HSPG2: variants seen among roughly 807,000 people sequenced by gnomAD.
HSPG2 encodes basement membrane-specific heparan sulfate proteoglycan core protein.
A neutral mutation model predicts 526.6 loss-of-function variants in HSPG2; 278 were observed. The ratio of observed to expected loss-of-function variants is 0.53; its 90% confidence interval spans 0.48 to 0.58. The LOEUF (loss-of-function observed/expected upper bound fraction) is 0.58, where lower values mean the gene tolerates loss of function less well. Ranked by LOEUF, HSPG2 falls within the 20% of genes least tolerant of loss-of-function variation. The pLI, the probability that HSPG2 is intolerant of heterozygous loss-of-function variation, is 0.00. For missense variants in HSPG2, 5,354 were observed against 6,099.5 expected (o/e 0.88, Z 4.07); for synonymous variants, 2,465 against 2,555.4 (o/e 0.96, Z 1.07).
Position 21,842,819 on chromosome 1 carries a change from G to A in HSPG2, c.8861C>T (p.Ala2954Val), listed in dbSNP as rs1339087137. The change falls in exon 67 of 97, where the codon GCC (alanine) becomes GTC (valine). Residue 2954 changes from alanine (A) to valine (V), a missense_variant. By Grantham distance (64) the Ala-to-Val change is moderately conservative (BLOSUM62 0). Transcript: ENST00000374695. ...CCCGCGCTTGTACCACGTGACCTGGGCATGGGCCTGCCCGGGCACCACACA... is the reference window on the plus strand; with the variant it reads ...CCCGCGCTTGTACCACGTGACCTGGACATGGGCCTGCCCGGGCACCACACA... Reference protein sequence around the residue: ...LNCVVPGQAHAQVTWYKRGGS... With the variant: ...LNCVVPGQAHVQVTWYKRGGS... The A allele has an allele frequency of 1.2e-6, 2 of 1,613,850 alleles. No individual in the cohort carries two copies. The highest frequency in any genetic ancestry group is 1.7e-6 in the Non-Finnish European group (2 of 1,180,042).
intron 6 of HSPG2, 182 bp downstream of exon 6, chr1:21,889,799 G>A (rs972002807): frequency 5.9e-6 from 4 of 673,334 alleles, no homozygotes; most frequent in African/African-American, 3.6e-5. Context: ...GTATGTGCTA[G>A]AGGAAACAGT....
chr1:21,898,164 C>T lies in HSPG2; in HGVS notation c.64-1854G>A, dbSNP rs1642881339. Among the ~76,000 whole-genome samples the T allele has an allele frequency of 6.6e-6, 1 of 152,216 alleles. No individual in the cohort carries two copies. The highest frequency in any genetic ancestry group is 2.1e-4 in the South Asian group (1 of 4,828). Reference sequence around the variant, plus strand: ...CTTGCTTTGGGGAGGCACTACCTACCTCTGTGCAATCTATAAGCATCTCCT... The same window carrying T: ...CTTGCTTTGGGGAGGCACTACCTACTTCTGTGCAATCTATAAGCATCTCCT... On this transcript the variant is annotated intron_variant, in intron 1 of 96. Coordinates refer to ENST00000374695, the MANE Select transcript of HSPG2 (RefSeq NM_005529.7). The surrounding 1 kb of genome is among the most constrained non-coding windows in gnomAD (Gnocchi z 4.0).
At position 21,840,008 on chromosome 1, in the gene HSPG2, C is replaced by G. The variant is rs770140924; in HGVS notation, c.9523G>C (p.Ala3175Pro). 6.2e-7 allele frequency: 1 copy of G among 1,614,194 alleles called. No individual in the cohort carries two copies. ...TAAGTGCCCGCATCTGATGGTTTAG[C>G]TGATGAAATCTGGGAGAAAGCAAGG... ...DSHAVLQISS[A>P]KPSDAGTYVC... Residue 3175 changes from alanine (A) to proline (P), a missense_variant, in exon 72 of 97, where the codon GCT becomes CCT. Physicochemically the swap from Ala to Pro is conservative, Grantham distance 27. Coordinates refer to ENST00000374695, the MANE Select transcript of HSPG2 (RefSeq NM_005529.7).
intron 69 of HSPG2, 134 bp from the exon 70 acceptor site, chr1:21,841,807 G>C: frequency 1.5e-6 from 2 of 1,335,244 alleles, no homozygotes; most frequent in South Asian, 1.2e-5. Context: ...TGGAGTCGCA[G>C]ATAGCAGAAA....
At position 21,889,121 on chromosome 1, in the gene HSPG2, G is replaced by T. The variant is rs1008906266; in HGVS notation, c.574+860C>A. Reference sequence around the variant, plus strand: ...TGAGGTGCGGAACAAGGGAGGTGATGGTTTCACTGTCTTTTCCTAATTGGG... The same window carrying T: ...TGAGGTGCGGAACAAGGGAGGTGATTGTTTCACTGTCTTTTCCTAATTGGG... On this transcript the variant is annotated intron_variant, in intron 6 of 96. Transcript: ENST00000374695. 1.2e-4 allele frequency among the ~76,000 whole-genome samples: 19 copies of T among 152,144 alleles called. 1 individual carries two copies. Among genetic ancestry groups the T allele is most frequent in the African/African-American group, 4.3e-4 (18 of 41,416 alleles).
In HSPG2 at chr1:21,876,361, G is replaced by A. The variant is rs762979069; in HGVS notation, c.2871C>T (p.Asn957=). The change falls in exon 23 of 97, where the codon AAC becomes AAT. Residue 957 remains asparagine (N), a synonymous_variant. Transcript: ENST00000374695. ...CGTTGGTGGTGTGGGTGCTTGCGGCGTTGGTCAGGCTGAAGTGACCAGGCT... is the reference window on the plus strand; with the variant it reads ...CGTTGGTGGTGTGGGTGCTTGCGGCATTGGTCAGGCTGAAGTGACCAGGCT... The part of the protein sequence containing the change: ...SEEPGHFSLT[N]AASTHTTNEG... 1.7e-5 allele frequency: 27 copies of A among 1,613,152 alleles called. No individual in the cohort carries two copies. In the African/African-American group the frequency reaches 1.9e-4, roughly 11 times the overall value.
intron 85 of HSPG2, 65 bp downstream of exon 85, chr1:21,830,917 T>C (rs1285307984): frequency 1.9e-6 from 2 of 1,073,100 alleles, no homozygotes; most frequent in African/African-American, 1.6e-5. Context: ...GTGGTGGATA[T>C]GGGGAGGCAG....
chr1:21,868,851 T>G (rs1173362588), intron 33 of HSPG2: 1 of 774,244 alleles, frequency 1.3e-6, no homozygotes, highest in Non-Finnish European at 1.6e-6. Context: ...TGGGATTCTA[T>G]GACACCCCTA....
In HSPG2 at chr1:21,875,986, GC is replaced by G. The variant is rs1376732498; in HGVS notation, c.3059del (p.Gly1020AlafsTer20). On this transcript the variant is annotated frameshift_variant, in exon 24 of 97. Transcript: ENST00000374695. LOFTEE classifies it high-confidence loss of function. The stretch of plus-strand genomic sequence containing the variant: ...ACGGCTGCCCGTGCAGGGGTGTGGA[GC>G]CCGGCTGGGACCTCTGGGTCACTGT... ...RFTVTQRSQP[G>X]STPLHGQPLV... 6.2e-7 allele frequency: 1 copy of G among 1,614,176 alleles called. No individual in the cohort carries two copies.
chr1:21,874,960 G>A lies in HSPG2; in HGVS notation c.3345C>T (p.Thr1115=), dbSNP rs754721291. The change falls in exon 26 of 97, where the codon ACC becomes ACT. Residue 1115 remains threonine, a synonymous_variant. Transcript: ENST00000374695. ...ISMDVAVPEE[T]GQDPALEVEQ... Reference sequence around the variant, plus strand: ...CCACTTCCAGCGCGGGGTCCTGGCCGGTTTCCTCGGGCACAGCCACGTCCA... The same window carrying A: ...CCACTTCCAGCGCGGGGTCCTGGCCAGTTTCCTCGGGCACAGCCACGTCCA... 27 of 1,610,382 alleles carry A rather than the reference G, an allele frequency of 1.7e-5. No individual in the cohort carries two copies. The highest frequency in any genetic ancestry group is 4.0e-5 in the African/African-American group (3 of 74,854).
At chr1:21,854,076 A>G in intron 50 of HSPG2, 117 bp downstream of exon 50, 2 of 1,182,712 alleles carry the variant, frequency 1.7e-6, no homozygotes, top group Non-Finnish European at 2.3e-6. Flanking sequence ...GCAGGCGCTG[A>G]AGGGTCAAAG....
intron 38 of HSPG2, 38 bp from the exon 39 acceptor site, chr1:21,861,881 C>T: frequency 6.2e-7 from 1 of 1,613,432 alleles, no homozygotes; most frequent in Non-Finnish European, 8.5e-7. Flanking sequence ...CATGGGAAGC[C>T]CAATCTCCAT....
chr1:21,824,400 T>TGGGGTCCCC lies in HSPG2; in HGVS notation c.12745-33_12745-25dup. 1 of 1,613,256 alleles carries TGGGGTCCCC rather than the reference T, an allele frequency of 6.2e-7. No homozygotes were observed. ...TCCTGCCAGGGAAGCACAGGGTCTC[T>TGGGGTCCCC]GGGGTCCCCAGCCTGGAGAGCAGAG... On this transcript the variant is annotated intron_variant, in intron 93 of 96. Coordinates refer to ENST00000374695, the MANE Select transcript of HSPG2 (RefSeq NM_005529.7). This position sits in a 1 kb window ranked among gnomAD's most constrained non-coding sequence, Gnocchi z 5.9.
At chr1:21,874,288 CA>C in intron 28 of HSPG2, 117 bp downstream of exon 28, 1 of 1,345,140 alleles carries the variant, frequency 7.4e-7, no homozygotes, top group Non-Finnish European at 1.0e-6. Flanking sequence ...TGACACTGAG[CA>C]GGCAGTAAGG....
intron 71 of HSPG2, among the ~76,000 whole-genome samples, 160 bp from the exon 72 acceptor site, chr1:21,840,177 C>T (rs1053354980): frequency 2.0e-5 from 3 of 152,308 alleles, no homozygotes; most frequent in Admixed American, 1.3e-4. Flanking sequence ...CTTACTCTGT[C>T]GCACAGGTTG....
In HSPG2 at chr1:21,831,323, G is replaced by T. The variant is rs767712046; in HGVS notation, c.11454C>A (p.Gly3818=). The T allele has an allele frequency of 1.9e-6, 3 of 1,613,930 alleles. No homozygotes were observed. In the Admixed American group the frequency reaches 5.0e-5, roughly 27 times the overall value. Residue 3818 remains glycine (G), a splice_region_variant and synonymous_variant, in exon 84 of 97, where the codon GGC becomes GGA. Transcript: ENST00000374695. ...PKAGLSSGFI[G]CVRELRIQGE... The stretch of plus-strand genomic sequence containing the variant: ...CCTGGATGCGCAGCTCCCGGACACA[G>T]CCTGGGAGGTGAGTGGGCAGGATGA...
intron 1 of HSPG2, among the ~76,000 whole-genome samples, chr1:21,899,102 C>T (rs1447088973): frequency 1.3e-5 from 2 of 152,174 alleles, no homozygotes; most frequent in African/African-American, 2.4e-5. Flanking sequence ...CTCCAGAGCA[C>T]GGGTCCCTCC....
chr1:21,890,242 C>T lies in HSPG2; in HGVS notation c.414-101G>A, dbSNP rs1642256193. ...CCGACGCTCAGGCCCTGTTCCGGGA[C>T]AGCCTGTACCCAAAGAAGGGCAACT... On this transcript the variant is annotated intron_variant, in intron 5 of 96. Coordinates refer to ENST00000374695, the MANE Select transcript of HSPG2 (RefSeq NM_005529.7). This position sits in a 1 kb window ranked among gnomAD's most constrained non-coding sequence, Gnocchi z 4.1. 3 of 1,453,370 alleles carry T rather than the reference C, an allele frequency of 2.1e-6. No individual in the cohort carries two copies. The highest frequency in any genetic ancestry group is 2.9e-6 in the Non-Finnish European group (3 of 1,039,448). The allele number at this position is 1,453,370 out of a possible 1,614,324, so 90.0% of individuals were successfully genotyped here.
At chr1:21,831,170 G>T in intron 84 of HSPG2, 45 bp downstream of exon 84, 1 of 1,600,926 alleles carries the variant, frequency 6.2e-7, no homozygotes, top group Non-Finnish European at 8.6e-7. Flanking sequence ...CATGGCTAGG[G>T]GTGGAGGCCA....
Sources: gnomAD v4.1 joint callset for allele counts (sites outside exome capture counted in the v4.1 genomes callset) on GRCh38, gnomAD v4.1.1 for gene constraint, Gnocchi (gnomAD v3.1) non-coding constraint, MANE v1.5 for transcripts, NCBI Gene and HGNC (gene_info 2026-07-23, HGNC 2026-07-21) for gene names.